The following POLE variants were observed in gnomAD, a reference collection of about 807,000 sequenced individuals.
POLE encodes the protein DNA polymerase epsilon catalytic subunit A.
A neutral mutation model predicts 279.2 loss-of-function variants in POLE; 188 were observed. That is an observed-to-expected ratio of 0.67 (90% CI 0.60 to 0.76). The LOEUF (loss-of-function observed/expected upper bound fraction) is 0.76, where lower values mean the gene tolerates loss of function less well. Ranked by LOEUF, POLE falls within the 30% of genes least tolerant of loss-of-function variation. The probability of loss-of-function intolerance (pLI) is 0.00; values close to 1 mark genes in which losing one functional copy is unlikely to be tolerated. For synonymous variants in POLE, 1,214 were observed against 1,172.5 expected (o/e 1.04, Z -0.72); for missense variants, 2,703 against 3,016.7 (o/e 0.90, Z 2.44).
In POLE at chr12:132,680,059, A is replaced by C; in HGVS notation, c.331-13T>G. The C allele has an allele frequency of 6.2e-7, 1 of 1,609,300 alleles. No individual in the cohort carries two copies. The highest frequency in any genetic ancestry group is 8.5e-7 in the Non-Finnish European group (1 of 1,176,002). ...CTCGCTCACAACCCTAATCAGGATC[A>C]GAATGAAAAGGCTTTCCATTGGTAA... On this transcript the variant is annotated splice_polypyrimidine_tract_variant and intron_variant, in intron 4 of 48. Transcript: ENST00000320574.
At chr12:132,682,951 T>TA (rs995509616) in intron 1 of POLE, among the ~76,000 whole-genome samples, 38 of 148,010 alleles carry the variant, frequency 2.6e-4, no homozygotes, top group Non-Finnish European at 4.6e-4. Context: ...AGACTCCGTC[T>TA]AAAAAAAAAA....
At chr12:132,674,245 A>G (rs537642064) in intron 12 of POLE, among the ~76,000 whole-genome samples, 8 of 152,112 alleles carry the variant, frequency 5.3e-5, no homozygotes, top group African/African-American at 1.9e-4. Flanking sequence ...CCTCCTCCCT[A>G]CAGACGCATT....
At chr12:132,635,198 G>T (rs1321291438) in intron 42 of POLE, among the ~76,000 whole-genome samples, 1 of 152,046 alleles carries the variant, frequency 6.6e-6, no homozygotes, top group East Asian at 1.9e-4. Flanking sequence ...ATGAGCCCCA[G>T]CCAGACGTGA....
Position 132,659,294 on chromosome 12 carries a change from C to T in POLE, c.3275+1G>A, listed in dbSNP as rs1402672053. On this transcript the variant is annotated splice_donor_variant, in intron 26 of 48. Transcript: ENST00000320574. LOFTEE classifies it high-confidence loss of function. ...CTCTCCGTGATGGGGGGAGCCCTCA[C>T]CTCTCCGTGACAGGGGAGCCCTCGG... 6.2e-7 allele frequency: 1 copy of T among 1,613,726 alleles called. No homozygotes were observed. The highest frequency in any genetic ancestry group is 1.1e-5 in the South Asian group (1 of 91,044).
Position 132,661,627 on chromosome 12 carries a change from C to T in POLE, c.2764G>A (p.Val922Ile), listed in dbSNP as rs551966935. ...AAGATGCTGTTCTCTGAGCGGGTGA[C>T]GTAGGTGAGTGAGGACGGCTCAGCC... ...ELAEPSSLTYVTRSENSIFFE... is the reference protein window; with the variant it reads ...ELAEPSSLTYITRSENSIFFE... The change falls in exon 24 of 49, where the codon GTC becomes ATC. Residue 922 changes from valine (V) to isoleucine (I), a missense_variant. Physicochemically the swap from Val to Ile is conservative, Grantham distance 29. This residue lies in a region of POLE where 101 missense variants were observed against 115.4 expected (regional missense o/e 0.87). Coordinates refer to ENST00000320574, the MANE Select transcript of POLE (RefSeq NM_006231.4). The surrounding 1 kb of genome is among the most constrained non-coding windows in gnomAD (Gnocchi z 4.1). 19 of 1,614,092 alleles carry T rather than the reference C, an allele frequency of 1.2e-5. No individual in the cohort carries two copies. The highest frequency in any genetic ancestry group is 2.2e-5 in the East Asian group (1 of 44,878).
intron 23 of POLE, among the ~76,000 whole-genome samples, chr12:132,662,832 G>A (rs1417814169): frequency 1.3e-5 from 2 of 152,172 alleles, no homozygotes; most frequent in Non-Finnish European, 1.5e-5. Flanking sequence ...AAGCCACTCC[G>A]GTCCTATGAA....
chr12:132,661,770 G>C lies in POLE; in HGVS notation c.2707-86C>G. On this transcript the variant is annotated intron_variant, in intron 23 of 48. Coordinates refer to ENST00000320574, the MANE Select transcript of POLE (RefSeq NM_006231.4). The surrounding 1 kb of genome is among the most constrained non-coding windows in gnomAD (Gnocchi z 4.1). ...CCTGGTGTCCCTCCAGGAGTGGATG[G>C]ATTGACAAACCGAGGCTTTTCCACA... 2.2e-6 allele frequency: 3 copies of C among 1,376,846 alleles called. No individual in the cohort carries two copies. The highest frequency in any genetic ancestry group is 1.4e-5 in the African/African-American group (1 of 69,078). 85.3% of individuals were successfully genotyped at this position (1,376,846 alleles called of 1,614,324 possible).
In POLE at chr12:132,634,741, G is replaced by A. The variant is rs2042001424; in HGVS notation, c.5812-363C>T. On this transcript the variant is annotated intron_variant, in intron 42 of 48. Transcript: ENST00000320574. The surrounding 1 kb of genome is among the most constrained non-coding windows in gnomAD (Gnocchi z 4.0). The stretch of plus-strand genomic sequence containing the variant: ...GTCCATGAATCTCCTGGGACGGCAC[G>A]ACCCCATCACAGACCCAGCCTCCCG... 1.3e-5 allele frequency among the ~76,000 whole-genome samples: 2 copies of A among 152,042 alleles called. No homozygotes were observed. The highest frequency in any genetic ancestry group is 2.9e-5 in the Non-Finnish European group (2 of 68,000).
intron 7 of POLE, 44 bp from the exon 8 acceptor site, chr12:132,677,487 A>G: frequency 6.2e-7 from 1 of 1,608,804 alleles, no homozygotes; most frequent in South Asian, 1.1e-5. Context: ...ACATCCAGGA[A>G]AGTCTATTCT....
At chr12:132,638,296 C>G in intron 40 of POLE, 157 bp from the exon 41 acceptor site, 1 of 485,492 alleles carries the variant, frequency 2.1e-6, no homozygotes, top group Non-Finnish European at 3.3e-6. Context: ...GCAAAGATTT[C>G]TGCATGGCAA....
chr12:132,648,687 TC>T, intron 32 of POLE: 1 of 435,040 alleles, frequency 2.3e-6, no homozygotes, highest in Non-Finnish European at 4.1e-6. Context: ...ACTTGGTTTG[TC>T]CCCGCAACAT....
chr12:132,668,242 G>T lies in POLE; in HGVS notation c.2173+114C>A. 1.6e-6 allele frequency: 2 copies of T among 1,250,200 alleles called. No individual in the cohort carries two copies. The highest frequency in any genetic ancestry group is 2.2e-6 in the Non-Finnish European group (2 of 917,952). The allele number at this position is 1,250,200 out of a possible 1,614,324, so 77.4% of individuals were successfully genotyped here. ...AGTGACCTAGAGCAGCTTCTGGTCT[G>T]CTGTGACAACACCTCTGGGGCCCCA... is the stretch of plus-strand genomic sequence containing the variant. On this transcript the variant is annotated intron_variant, in intron 19 of 48. Coordinates refer to ENST00000320574, the MANE Select transcript of POLE (RefSeq NM_006231.4). This position sits in a 1 kb window ranked among gnomAD's most constrained non-coding sequence, Gnocchi z 4.0.
intron 40 of POLE, chr12:132,638,830 C>T: frequency 2.7e-6 from 1 of 375,968 alleles, no homozygotes. Flanking sequence ...TCTCCTGACA[C>T]AGGCATATTT....
intron 29 of POLE, among the ~76,000 whole-genome samples, chr12:132,656,483 C>T (rs1337029442): frequency 1.3e-5 from 2 of 151,962 alleles, no homozygotes; most frequent in Non-Finnish European, 2.9e-5. Flanking sequence ...CTCAGCCTCC[C>T]GAGTAGCTAG....
chr12:132,648,201 G>C (rs1386929109), intron 32 of POLE, among the ~76,000 whole-genome samples: 2 of 152,130 alleles, frequency 1.3e-5, no homozygotes, highest in Non-Finnish European at 2.9e-5. Context: ...CCTACTGTAG[G>C]GTTCCATTTA....
chr12:132,671,236 G>C (rs2042920780), intron 16 of POLE, among the ~76,000 whole-genome samples: 1 of 134,142 alleles, frequency 7.5e-6, no homozygotes. Flanking sequence ...GCACTCCAGT[G>C]TGGGTGACAG....
At position 132,639,045 on chromosome 12, in the gene POLE, G is replaced by T. The variant is rs2138507079; in HGVS notation, c.5552+80C>A. On this transcript the variant is annotated intron_variant, in intron 40 of 48. Transcript: ENST00000320574. The surrounding 1 kb of genome is among the most constrained non-coding windows in gnomAD (Gnocchi z 4.7). ...CTACTTATCCCAGAGGCACTGGCTG[G>T]CCATGTCTCTGGTTCTGGGGAGTAA... 3 of 1,211,578 alleles carry T rather than the reference G, an allele frequency of 2.5e-6. No homozygotes were observed. The highest frequency in any genetic ancestry group is 3.6e-6 in the Non-Finnish European group (3 of 825,486). The allele number at this position is 1,211,578 out of a possible 1,614,324, so 75.1% of individuals were successfully genotyped here.
chr12:132,639,591 A>G lies in POLE; in HGVS notation c.5379-293T>C, dbSNP rs5744962. The stretch of plus-strand genomic sequence containing the variant: ...ACGGGAGGGCAGCACAGTACAAAGC[A>G]GCAAGTGTGTGACGGGCCGGGGACC... On this transcript the variant is annotated intron_variant, in intron 39 of 48. Transcript: ENST00000320574. The surrounding 1 kb of genome is among the most constrained non-coding windows in gnomAD (Gnocchi z 4.7). Among the ~76,000 whole-genome samples, 22,631 of 152,210 alleles carry G rather than the reference A, an allele frequency of 0.15. 1,794 individuals are homozygous for G. Among genetic ancestry groups the G allele is most frequent in the Admixed American group, 0.19 (2,899 of 15,288 alleles).
chr12:132,660,643 G>A (rs2042656856), intron 25 of POLE: 2 of 230,818 alleles, frequency 8.7e-6, no homozygotes, highest in Non-Finnish European at 1.7e-5. Flanking sequence ...AGGCTGGAGT[G>A]CAGTGGTGCA....
Sources: allele counts gnomAD v4.1 joint callset (sites outside exome capture counted in the v4.1 genomes callset), GRCh38; gene constraint gnomAD v4.1.1; regional missense constraint gnomAD v4.1.1; non-coding constraint Gnocchi (gnomAD v3.1); transcripts MANE v1.5; gene names NCBI Gene and HGNC (gene_info 2026-07-23, HGNC 2026-07-21).